Variants in MYO5B observed in about 807,000 individuals in gnomAD.
MYO5B encodes myosin VB, also known as unconventional myosin-Vb.
A neutral mutation model predicts 229.3 loss-of-function variants in MYO5B; 143 were observed. The ratio of observed to expected loss-of-function variants is 0.62; its 90% CI spans 0.54 to 0.72. The LOEUF (loss-of-function observed/expected upper bound fraction) is 0.72, where lower values mean the gene tolerates loss of function less well. MYO5B is among the 30% of genes least tolerant of loss of function. The pLI, the probability that MYO5B is intolerant of heterozygous loss-of-function variation, is 0.00. For missense variants in MYO5B, 2,321 were observed against 2,331.0 expected (o/e 1.00, Z 0.09); for synonymous variants, 918 against 885.2 (o/e 1.04, Z -0.66).
chr18:49,870,734 C>T (rs1006352782), intron 27 of MYO5B, among the ~76,000 whole-genome samples: 5 of 152,144 alleles, frequency 3.3e-5, no homozygotes, highest in African/African-American at 1.2e-4. Context: ...TATCACCTTA[C>T]ACCTATCAGA....
intron 10 of MYO5B, among the ~76,000 whole-genome samples, chr18:49,964,266 G>C (rs536991514): frequency 6.6e-6 from 1 of 152,098 alleles, no homozygotes; most frequent in African/African-American, 2.4e-5. Flanking sequence ...TCTAATACTG[G>C]TTAACAATAT....
chr18:50,080,704 T>A (rs1205139469), intron 1 of MYO5B, among the ~76,000 whole-genome samples: 1 of 152,146 alleles, frequency 6.6e-6, no homozygotes, highest in Admixed American at 6.5e-5. Flanking sequence ...CAATTAACAT[T>A]TACACAACAC....
intron 39 of MYO5B, among the ~76,000 whole-genome samples, chr18:49,833,033 G>A (rs1240292002): frequency 1.3e-5 from 2 of 152,162 alleles, no homozygotes; most frequent in Non-Finnish European, 2.9e-5. Flanking sequence ...TAGCACTTAA[G>A]GGCCCTTGTA....
intron 18 of MYO5B, among the ~76,000 whole-genome samples, chr18:49,909,719 T>C (rs373111256): frequency 5.3e-5 from 8 of 152,270 alleles, no homozygotes; most frequent in African/African-American, 1.9e-4. Flanking sequence ...TGCTGGCCCA[T>C]AGAAGATGGA....
intron 1 of MYO5B, among the ~76,000 whole-genome samples, chr18:50,187,879 G>T (rs1057194193): frequency 2.0e-5 from 3 of 152,118 alleles, no homozygotes; most frequent in South Asian, 2.1e-4. Context: ...TGTCACTAGA[G>T]GGGGGCAGGG....
In MYO5B at chr18:49,835,422, A is replaced by T. The variant is rs367573736; in HGVS notation, c.5316T>A (p.Ile1772=). 3 of 1,610,172 alleles carry T rather than the reference A, an allele frequency of 1.9e-6. No individual in the cohort carries two copies. Among genetic ancestry groups the T allele is most frequent in the East Asian group, 4.5e-5 (2 of 44,862 alleles). Residue 1772 remains isoleucine, a splice_region_variant and synonymous_variant, in exon 39 of 40, where the codon ATT becomes ATA. Transcript: ENST00000285039. ...GAGTATAAAGGTTTAAAATTTTGAC[A>T]ATCTGTTGGGGATAAAAACGGAATT... ...SLCTSLSTQQ[I]VKILNLYTPL... is the part of the protein sequence containing the mutation.
chr18:50,075,846 C>G (rs1175245722), intron 1 of MYO5B, among the ~76,000 whole-genome samples: 1 of 152,206 alleles, frequency 6.6e-6, no homozygotes, highest in Non-Finnish European at 1.5e-5. Flanking sequence ...GCATTCCTTC[C>G]TGCCACCACC....
At chr18:50,130,468 T>C (rs1339544353) in intron 1 of MYO5B, among the ~76,000 whole-genome samples, 1 of 152,176 alleles carries the variant, frequency 6.6e-6, no homozygotes, top group Non-Finnish European at 1.5e-5. Flanking sequence ...TACCCTGAGA[T>C]GTACACACAT....
intron 39 of MYO5B, among the ~76,000 whole-genome samples, chr18:49,832,574 G>T (rs1185677160): frequency 6.6e-6 from 1 of 152,214 alleles, no homozygotes; most frequent in African/African-American, 2.4e-5. Flanking sequence ...TGGGAAATAG[G>T]TTTACAGAAT....
At chr18:49,827,825 C>G (rs1189536502) in intron 39 of MYO5B, among the ~76,000 whole-genome samples, 2 of 151,636 alleles carry the variant, frequency 1.3e-5, no homozygotes, top group East Asian at 2.0e-4. Context: ...CCAAAAAGTT[C>G]AATGAACTCC....
intron 14 of MYO5B, among the ~76,000 whole-genome samples, chr18:49,942,857 A>G (rs1346236016): frequency 6.6e-6 from 1 of 152,174 alleles, no homozygotes; most frequent in Non-Finnish European, 1.5e-5. Context: ...CGGCCATCAC[A>G]TTACTGGGTA....
At chr18:50,012,137 G>A (rs1427348913) in intron 4 of MYO5B, among the ~76,000 whole-genome samples, 1 of 152,222 alleles carries the variant, frequency 6.6e-6, no homozygotes, top group African/African-American at 2.4e-5. Flanking sequence ...TCTGAGGGGT[G>A]AGGCCCAGAT....
intron 1 of MYO5B, among the ~76,000 whole-genome samples, chr18:50,137,718 C>T (rs372367887): frequency 6.6e-6 from 1 of 152,192 alleles, no homozygotes; most frequent in African/African-American, 2.4e-5. Context: ...ATAGCAAAGA[C>T]ATTGAATCAG....
intron 1 of MYO5B, among the ~76,000 whole-genome samples, chr18:50,162,322 GTGCTAGCA>G (rs1484857827): frequency 7.3e-6 from 1 of 136,288 alleles, no homozygotes; most frequent in East Asian, 2.6e-4. Context: ...TTCCTGCCAA[GTGCTAGCA>G]TATTTTCAAA....
Position 49,837,558 on chromosome 18 carries a change from C to T in MYO5B, c.5097G>A (p.Leu1699=), listed in dbSNP as rs768231362. 7 of 1,613,836 alleles carry T rather than the reference C, an allele frequency of 4.3e-6. No individual in the cohort carries two copies. The highest frequency in any genetic ancestry group is 5.9e-6 in the Non-Finnish European group (7 of 1,179,862). Reference sequence around the variant, plus strand: ...TGCTCCAAGAGCAGACGTCCTTCCGCAAGAGCAGGTTGTTAAGAGTCACTG... The same window carrying T: ...TGCTCCAAGAGCAGACGTCCTTCCGTAAGAGCAGGTTGTTAAGAGTCACTG... ...INAVTLNNLL[L]RKDVCSWSTG... Residue 1699 remains leucine (L), a synonymous_variant, in exon 37 of 40, where the codon TTG becomes TTA. Transcript: ENST00000285039.
At chr18:50,079,865 T>C (rs2031175947) in intron 1 of MYO5B, among the ~76,000 whole-genome samples, 1 of 152,232 alleles carries the variant, frequency 6.6e-6, no homozygotes, top group African/African-American at 2.4e-5. Flanking sequence ...GCCAGCGTAG[T>C]CTATCCTAGG....
intron 16 of MYO5B, among the ~76,000 whole-genome samples, chr18:49,934,783 T>C (rs1158142895): frequency 1.3e-5 from 2 of 152,238 alleles, no homozygotes; most frequent in Non-Finnish European, 2.9e-5. Flanking sequence ...TTCTGTCTCC[T>C]TAACCTTTTC....
chr18:49,846,990 T>G (rs1464028170), intron 33 of MYO5B, among the ~76,000 whole-genome samples, 156 bp downstream of exon 33: 22 of 59,362 alleles, frequency 3.7e-4, no homozygotes, highest in Admixed American at 1.4e-3. Context: ...GTGTGGGGAG[T>G]GGAAGATGGG....
intron 1 of MYO5B, 65 bp from the exon 2 acceptor site, chr18:50,055,443 C>T: frequency 7.3e-7 from 1 of 1,363,400 alleles, no homozygotes; most frequent in Non-Finnish European, 1.0e-6. Flanking sequence ...AAATGTGTGT[C>T]ACTACCTAGA....
Sources: gnomAD v4.1 joint callset for allele counts (sites outside exome capture counted in the v4.1 genomes callset) on GRCh38, gnomAD v4.1.1 for gene constraint, MANE v1.5 for transcripts, NCBI Gene and HGNC (gene_info 2026-07-23, HGNC 2026-07-21) for gene names.